Variants in NIM1K observed in about 807,000 individuals in gnomAD.
The protein encoded by NIM1K is serine/threonine-protein kinase NIM1.
In NIM1K, 35 loss-of-function variants were observed where a neutral mutation model predicts 37.1. The observed-to-expected ratio is 0.94, with a 90% CI of 0.72 to 1.25. NIM1K has a LOEUF of 1.25. NIM1K is among the 50% of genes most tolerant of loss of function. NIM1K has a pLI of 0.00. For missense variants in NIM1K, 564 were observed against 548.0 expected, an observed-to-expected ratio of 1.03 and a Z score of -0.29; for synonymous variants, 234 against 206.6, an observed-to-expected ratio of 1.13 and a Z score of -1.14.
At position 43,247,745 on chromosome 5, in the gene NIM1K, C is replaced by CT. The variant is rs561765245; in HGVS notation, c.292+1684dup. On this transcript the variant is annotated intron_variant, in intron 2 of 3. Coordinates refer to ENST00000326035, the MANE Select transcript of NIM1K (RefSeq NM_153361.4). Reference sequence around the variant, plus strand: ...ACTGCAGACAGCTTTTAAAATAGTACTTTTTTGGTAGTTGCCACAAATGGG... The same window carrying CT: ...ACTGCAGACAGCTTTTAAAATAGTACTTTTTTTGGTAGTTGCCACAAATGGG... Among the ~76,000 whole-genome samples, 565 of 152,266 alleles carry CT rather than the reference C, an allele frequency of 3.7e-3. 3 individuals carry two copies. Among genetic ancestry groups the CT allele is most frequent in the African/African-American group, 0.013 (547 of 41,552 alleles).
At chr5:43,211,653 G>A (rs1752207131) in intron 1 of NIM1K, among the ~76,000 whole-genome samples, 1 of 152,190 alleles carries the variant, frequency 6.6e-6, no homozygotes, top group Non-Finnish European at 1.5e-5. Context: ...GGGGGTAAGT[G>A]GGAACAGGGG....
intron 2 of NIM1K, among the ~76,000 whole-genome samples, chr5:43,252,463 C>T (rs139751619): frequency 1.7e-3 from 265 of 151,968 alleles, no homozygotes; most frequent in Middle Eastern, 0.01. Context: ...AATTGTCATC[C>T]GGTTTTCTAG....
chr5:43,255,754 A>AAGAAAGAAAGAAAG (rs1554016082), intron 2 of NIM1K, among the ~76,000 whole-genome samples: 6 of 131,808 alleles, frequency 4.6e-5, no homozygotes, highest in Non-Finnish European at 6.3e-5. Flanking sequence ...TCTCAAAAAA[A>AAGAAAGAAAGAAAG]AAAGAAAGAA....
chr5:43,232,906 G>A (rs1752563080), intron 1 of NIM1K: 2 of 1,151,612 alleles, frequency 1.7e-6, no homozygotes, highest in African/African-American at 3.0e-5. Context: ...GAGCTGCTCA[G>A]GGTGGAAGAG....
At chr5:43,231,640 G>T (rs554996880) in intron 1 of NIM1K, among the ~76,000 whole-genome samples, 1 of 152,228 alleles carries the variant, frequency 6.6e-6, no homozygotes, top group East Asian at 1.9e-4. Context: ...ACCCATCACA[G>T]AAATGGACAG....
Position 43,239,222 on chromosome 5 carries a change from C to A in NIM1K, c.-694-5860C>A, listed in dbSNP as rs973094878. 7.2e-5 allele frequency among the ~76,000 whole-genome samples: 11 copies of A among 151,950 alleles called. 1 individual carries two copies. Among genetic ancestry groups the A allele is most frequent in the African/African-American group, 2.4e-4 (10 of 41,270 alleles). On this transcript the variant is annotated intron_variant, in intron 1 of 3. Transcript: ENST00000326035. ...TGTATTGACATTTCTCTGCTGCTAT[C>A]TCCTCTCTTATTTTTATTTATTTAT...
chr5:43,262,885 G>C (rs1002654045), intron 2 of NIM1K, among the ~76,000 whole-genome samples: 2 of 152,042 alleles, frequency 1.3e-5, no homozygotes, highest in Admixed American at 1.3e-4. Flanking sequence ...TTTGTCTTTG[G>C]TTCTGTTTGT....
chr5:43,240,024 T>G (rs1449907241), intron 1 of NIM1K, among the ~76,000 whole-genome samples: 4 of 152,086 alleles, frequency 2.6e-5, no homozygotes, highest in Non-Finnish European at 4.4e-5. Context: ...ACACCAACTA[T>G]GTAAGGTGGC....
chr5:43,242,130 AGTTTCATTT>A (rs1300315086), intron 1 of NIM1K, among the ~76,000 whole-genome samples: 1 of 152,020 alleles, frequency 6.6e-6, no homozygotes, highest in African/African-American at 2.4e-5. Context: ...TTTTGCAAGA[AGTTTCATTT>A]GTAGGTGTTA....
chr5:43,239,265 T>G (rs1579973654), intron 1 of NIM1K, among the ~76,000 whole-genome samples: 2 of 152,034 alleles, frequency 1.3e-5, no homozygotes, highest in East Asian at 3.9e-4. Flanking sequence ...AGTTGGAGTT[T>G]CACTCTTGTT....
chr5:43,226,514 T>C (rs1267080244), intron 1 of NIM1K, among the ~76,000 whole-genome samples: 1 of 152,176 alleles, frequency 6.6e-6, no homozygotes, highest in Non-Finnish European at 1.5e-5. Context: ...CATTTACCAA[T>C]ATGGGGAAAA....
At chr5:43,248,750 C>G (rs997811734) in intron 2 of NIM1K, among the ~76,000 whole-genome samples, 1 of 152,052 alleles carries the variant, frequency 6.6e-6, no homozygotes, top group African/African-American at 2.4e-5. Flanking sequence ...CCAACAGACT[C>G]AAGACCCAGG....
chr5:43,264,495 T>C (rs936501036), intron 2 of NIM1K, among the ~76,000 whole-genome samples: 4 of 152,222 alleles, frequency 2.6e-5, no homozygotes, highest in African/African-American at 9.6e-5. Context: ...TCCATGCCTT[T>C]ATTTTGAGCC....
intron 1 of NIM1K, among the ~76,000 whole-genome samples, chr5:43,234,529 C>T (rs1008430657): frequency 1.6e-4 from 25 of 152,214 alleles, no homozygotes; most frequent in African/African-American, 6.0e-4. Context: ...TACTTCATGC[C>T]TGTATTCCCA....
At chr5:43,205,015 C>T (rs1270683125) in intron 1 of NIM1K, among the ~76,000 whole-genome samples, 1 of 152,048 alleles carries the variant, frequency 6.6e-6, no homozygotes, top group Non-Finnish European at 1.5e-5. Flanking sequence ...CGAACAACAA[C>T]AACAAAAAAA....
chr5:43,218,085 C>T (rs1443522042), intron 1 of NIM1K, among the ~76,000 whole-genome samples: 1 of 151,860 alleles, frequency 6.6e-6, no homozygotes, highest in Admixed American at 6.6e-5. Flanking sequence ...CATCTGAGCT[C>T]ACTGCAACCT....
chr5:43,268,564 C>G (rs1299813126), intron 2 of NIM1K, among the ~76,000 whole-genome samples: 2 of 152,180 alleles, frequency 1.3e-5, no homozygotes, highest in Middle Eastern at 3.4e-3. Context: ...TGCAAAAAAC[C>G]TGAAAAGATA....
intron 1 of NIM1K, among the ~76,000 whole-genome samples, chr5:43,222,272 G>T (rs1052700944): frequency 1.3e-5 from 2 of 152,192 alleles, no homozygotes; most frequent in African/African-American, 4.8e-5. Flanking sequence ...ACAGAGCAGA[G>T]GAAAGACAGG....
chr5:43,232,593 G>T, intron 1 of NIM1K: 2 of 1,566,266 alleles, frequency 1.3e-6, no homozygotes, highest in Non-Finnish European at 1.7e-6. Context: ...GCTCCAGGGT[G>T]GTGTGGGAGG....
Sources: gnomAD v4.1 joint callset for allele counts (sites outside exome capture counted in the v4.1 genomes callset) on GRCh38, gnomAD v4.1.1 for gene constraint, MANE v1.5 for transcripts, NCBI Gene and HGNC (gene_info 2026-07-23, HGNC 2026-07-21) for gene names.